Variants in ZNF787 observed in about 807,000 individuals in gnomAD.
The protein encoded by ZNF787 is TTF-I-interacting peptide 20.
A neutral mutation model predicts 16.9 loss-of-function variants in ZNF787; 7 were observed. That is an observed-to-expected ratio of 0.42 (90% CI 0.24 to 0.78). ZNF787 has a LOEUF of 0.78. Among genes scored for constraint, ZNF787 ranks in the 30% least tolerant of loss-of-function variants. The pLI is 0.30. For synonymous variants in ZNF787, 345 were observed against 270.9 expected (o/e 1.27, Z -2.69); for missense variants, 551 against 589.3 (o/e 0.94, Z 0.67).
chr19:56,120,928 CGCCGCCCGCGG>C (rs1297981309), intron 1 of ZNF787, among the ~76,000 whole-genome samples: 1 of 136,522 alleles, frequency 7.3e-6, no homozygotes, highest in East Asian at 2.3e-4. Flanking sequence ...CAGCCCCGCT[CGCCGCCCGCGG>C]GCCGCCCGGG....
At chr19:56,118,225 G>A (rs1186862527) in intron 1 of ZNF787, among the ~76,000 whole-genome samples, 4 of 152,216 alleles carry the variant, frequency 2.6e-5, no homozygotes, top group Non-Finnish European at 5.9e-5. Flanking sequence ...GGTGAGTGAG[G>A]CCTCCTTGGG....
At chr19:56,100,635 C>T (rs1057207664) in intron 2 of ZNF787, among the ~76,000 whole-genome samples, 3 of 151,792 alleles carry the variant, frequency 2.0e-5, no homozygotes, top group Non-Finnish European at 2.9e-5. Flanking sequence ...GCCAGGCCAA[C>T]ACCCGCCACC....
At chr19:56,091,552 C>T (rs1334243014) in intron 2 of ZNF787, among the ~76,000 whole-genome samples, 3 of 151,960 alleles carry the variant, frequency 2.0e-5, no homozygotes, top group Non-Finnish European at 4.4e-5. Context: ...CCAGGGAGAA[C>T]CCCAAAGAGT....
chr19:56,110,484 T>C (rs1395856835), intron 1 of ZNF787, among the ~76,000 whole-genome samples: 7 of 151,122 alleles, frequency 4.6e-5, no homozygotes, highest in Admixed American at 4.6e-4. Flanking sequence ...CCCTAGACAT[T>C]AAAAATGCGT....
rs189339747 is a variant in ZNF787 at position 56,109,270 on chromosome 19, C to T, written c.-10-6043G>A. Reference sequence around the variant, plus strand: ...GGGTGCTGGGGGCCAGCAGTGAAGGCGACGGCACAGAACAGGCCACCCCAG... The same window carrying T: ...GGGTGCTGGGGGCCAGCAGTGAAGGTGACGGCACAGAACAGGCCACCCCAG... On this transcript the variant is annotated intron_variant, in intron 1 of 2. Transcript: ENST00000610935. Among the ~76,000 whole-genome samples the T allele has an allele frequency of 1.4e-3, 220 of 152,282 alleles. 5 individuals are homozygous for T. The highest frequency in any genetic ancestry group is 9.6e-3 in the Admixed American group (147 of 15,302).
chr19:56,112,370 C>T (rs2030004892), intron 1 of ZNF787, among the ~76,000 whole-genome samples: 1 of 152,192 alleles, frequency 6.6e-6, no homozygotes, highest in Admixed American at 6.5e-5. Flanking sequence ...ACTCACCTGG[C>T]TCTGACCTCC....
At chr19:56,095,642 C>T (rs1367277994) in intron 2 of ZNF787, among the ~76,000 whole-genome samples, 1 of 152,206 alleles carries the variant, frequency 6.6e-6, no homozygotes, top group Non-Finnish European at 1.5e-5. Context: ...GACAGGGGCC[C>T]TGCTCGATTC....
chr19:56,112,285 G>A (rs529273266), intron 1 of ZNF787, among the ~76,000 whole-genome samples: 3 of 152,258 alleles, frequency 2.0e-5, no homozygotes, highest in Admixed American at 1.3e-4. Flanking sequence ...CTTCTGAAAC[G>A]AGGGTCCCGG....
At chr19:56,104,604 C>T (rs1179492967) in intron 1 of ZNF787, among the ~76,000 whole-genome samples, 3 of 152,070 alleles carry the variant, frequency 2.0e-5, no homozygotes, top group Non-Finnish European at 2.9e-5. Flanking sequence ...AGGGTCTCTA[C>T]ACATGACACC....
intron 2 of ZNF787, among the ~76,000 whole-genome samples, chr19:56,090,491 G>C (rs1046909284): frequency 1.4e-4 from 22 of 151,808 alleles, no homozygotes; most frequent in Admixed American, 1.4e-3. Flanking sequence ...GGGATCCTGC[G>C]ACCAGTAGCA....
chr19:56,120,645 G>T (rs540896757), intron 1 of ZNF787, among the ~76,000 whole-genome samples: 1 of 151,856 alleles, frequency 6.6e-6, no homozygotes, highest in Non-Finnish European at 1.5e-5. Flanking sequence ...AGGGCTGGGG[G>T]GGCCGAGGGC....
intron 2 of ZNF787, among the ~76,000 whole-genome samples, chr19:56,098,044 G>A (rs2123401659): frequency 1.3e-5 from 2 of 152,136 alleles, no homozygotes; most frequent in Middle Eastern, 3.4e-3. Context: ...CCCGACCCAG[G>A]TCTCCAGGGA....
At chr19:56,110,168 C>G (rs895352755) in intron 1 of ZNF787, among the ~76,000 whole-genome samples, 2 of 152,038 alleles carry the variant, frequency 1.3e-5, no homozygotes, top group Non-Finnish European at 2.9e-5. Flanking sequence ...AAGACCAGCC[C>G]GGCCAATATG....
intron 1 of ZNF787, among the ~76,000 whole-genome samples, chr19:56,112,127 G>A (rs868109614): frequency 2.6e-5 from 4 of 152,134 alleles, no homozygotes; most frequent in South Asian, 2.1e-4. Context: ...TGGGAGAGGC[G>A]GGGGCACCAG....
chr19:56,103,367 G>C (rs1485103832), intron 1 of ZNF787, 140 bp from the exon 2 acceptor site: 1 of 673,642 alleles, frequency 1.5e-6, no homozygotes, highest in Non-Finnish European at 2.4e-6. Flanking sequence ...CCTACCCCAG[G>C]ACACCGAGAA....
At chr19:56,115,619 G>A (rs575549066) in intron 1 of ZNF787, among the ~76,000 whole-genome samples, 11 of 152,134 alleles carry the variant, frequency 7.2e-5, no homozygotes, top group South Asian at 2.1e-4. Flanking sequence ...CTGGACTCGC[G>A]CAGCAGCCTC....
At chr19:56,099,442 G>A (rs1986004723) in intron 2 of ZNF787, among the ~76,000 whole-genome samples, 1 of 152,214 alleles carries the variant, frequency 6.6e-6, no homozygotes, top group Non-Finnish European at 1.5e-5. Flanking sequence ...ACCAGGTGCG[G>A]TGGCTCATGC....
chr19:56,113,807 C>G (rs1339786483), intron 1 of ZNF787, among the ~76,000 whole-genome samples: 3 of 152,132 alleles, frequency 2.0e-5, no homozygotes, highest in African/African-American at 7.2e-5. Flanking sequence ...AGTGAATACA[C>G]TAAAAACCTT....
In ZNF787 at chr19:56,121,253, C is replaced by T. The variant is rs1167590277; in HGVS notation, c.-92G>A. The stretch of plus-strand genomic sequence containing the variant: ...ATGGTGGCAGCGGCGGCAGCGGCGA[C>T]TCAGACCCTGGGGTCAGGGGGACGG... On this transcript the variant is annotated 5_prime_UTR_variant, in exon 1 of 3. Transcript: ENST00000610935. 6.6e-6 allele frequency: 1 copy of T among 150,830 alleles called. No individual in the cohort carries two copies. Among genetic ancestry groups the T allele is most frequent in the Non-Finnish European group, 1.5e-5 (1 of 67,752 alleles). The allele number at this position is 150,830 out of a possible 1,614,324, so 9.3% of individuals were successfully genotyped here. A position where few individuals can be genotyped will look rare whatever the true frequency, so the allele number is the denominator to read the frequency against.
Sources: gnomAD v4.1 joint callset for allele counts (sites outside exome capture counted in the v4.1 genomes callset) on GRCh38, gnomAD v4.1.1 for gene constraint, MANE v1.5 for transcripts, NCBI Gene and HGNC (gene_info 2026-07-23, HGNC 2026-07-21) for gene names.